Variants in ADAM17 observed in about 807,000 individuals in gnomAD.
ADAM17 encodes the protein ADAM metallopeptidase domain 17.
A neutral mutation model predicts 96.7 loss-of-function variants in ADAM17; 39 were observed. That is an observed-to-expected ratio of 0.40 (90% CI 0.31 to 0.53). The LOEUF (loss-of-function observed/expected upper bound fraction) is 0.53, where lower values mean the gene tolerates loss of function less well. ADAM17 is among the 20% of genes least tolerant of loss of function. The pLI is 0.44. For synonymous variants in ADAM17, 344 were observed against 359.2 expected, an observed-to-expected ratio of 0.96 and a Z score of 0.48; for missense variants, 777 against 1,013.2, an observed-to-expected ratio of 0.77 and a Z score of 3.17.
At position 9,492,794 on chromosome 2, in the gene ADAM17, C is replaced by A. The variant is rs1662269668; in HGVS notation, c.2082+104G>T. On this transcript the variant is annotated intron_variant, in intron 17 of 18. Coordinates refer to ENST00000310823, the MANE Select transcript of ADAM17 (RefSeq NM_003183.6). ...AAAAAAAGCTATTGGAAATATCAGG[C>A]CAAACTTTGCTAAGAACAAGTTTTA... 3 of 959,718 alleles carry A rather than the reference C, an allele frequency of 3.1e-6. No homozygotes were observed. The African/African-American group carries it at 5.1e-5, about 16-fold the overall frequency. The allele number at this position is 959,718 out of a possible 1,614,324, so 59.5% of individuals were successfully genotyped here.
At chr2:9,493,920 T>G (rs1386519603) in intron 15 of ADAM17, 95 bp from the exon 16 acceptor site, 1 of 1,005,930 alleles carries the variant, frequency 9.9e-7, no homozygotes, top group Non-Finnish European at 1.5e-6. Flanking sequence ...GTAAAGGGCT[T>G]CATTAAAATC....
In ADAM17 at chr2:9,492,999, C is replaced by T. The variant is rs1314903842; in HGVS notation, c.1994-13G>A. The T allele has an allele frequency of 1.2e-6, 2 of 1,600,688 alleles. No homozygotes were observed. Among genetic ancestry groups the T allele is most frequent in the Non-Finnish European group, 1.7e-6 (2 of 1,171,962 alleles). On this transcript the variant is annotated splice_polypyrimidine_tract_variant and intron_variant, in intron 16 of 18. Transcript: ENST00000310823. ...GCTAAAAACTTTCCTGTGAACAATT[C>T]CAAACAGTTAATGTCTTGACCAAGT...
chr2:9,528,142 T>C (rs1348126904), intron 4 of ADAM17, among the ~76,000 whole-genome samples, 188 bp from the exon 5 acceptor site: 2 of 150,392 alleles, frequency 1.3e-5, no homozygotes, highest in African/African-American at 5.0e-5. Flanking sequence ...GGAAAGTAAA[T>C]ACATAGATTA....
chr2:9,517,914 G>GT lies in ADAM17; in HGVS notation c.1177dup (p.Thr393AsnfsTer8). ...AAAAGAACATACCTTTGTAAGGATG[G>GT]TTTTACCATAATTCTTTGTGCTCGT... On this transcript the variant is annotated frameshift_variant, in exon 10 of 19. Coordinates refer to ENST00000310823, the MANE Select transcript of ADAM17 (RefSeq NM_003183.6). LOFTEE classifies it high-confidence loss of function. 6.3e-7 allele frequency: 1 copy of GT among 1,594,434 alleles called. No individual in the cohort carries two copies. The highest frequency in any genetic ancestry group is 8.5e-7 in the Non-Finnish European group (1 of 1,171,838).
At chr2:9,542,223 A>G (rs901281504) in intron 2 of ADAM17, among the ~76,000 whole-genome samples, 1 of 151,896 alleles carries the variant, frequency 6.6e-6, no homozygotes. Flanking sequence ...GCTAAGAAGT[A>G]AGAGGAACTC....
intron 2 of ADAM17, among the ~76,000 whole-genome samples, chr2:9,539,275 T>A (rs1346854260): frequency 6.6e-6 from 1 of 151,960 alleles, no homozygotes; most frequent in Non-Finnish European, 1.5e-5. Flanking sequence ...GCCTGGCTAA[T>A]TTTTTGTATT....
chr2:9,553,351 T>C (rs746537295), intron 1 of ADAM17, among the ~76,000 whole-genome samples: 12 of 151,916 alleles, frequency 7.9e-5, no homozygotes, highest in Non-Finnish European at 1.6e-4. Context: ...CGTATAATAC[T>C]TGTGTGTCCT....
intron 1 of ADAM17, among the ~76,000 whole-genome samples, chr2:9,544,463 T>G (rs1256347735): frequency 1.3e-5 from 2 of 152,108 alleles, no homozygotes; most frequent in Non-Finnish European, 2.9e-5. Context: ...AGGCAGATGT[T>G]GCAGGGAGCT....
At chr2:9,531,261 A>C (rs1664726013) in intron 4 of ADAM17, among the ~76,000 whole-genome samples, 1 of 150,328 alleles carries the variant, frequency 6.7e-6, no homozygotes, top group Non-Finnish European at 1.5e-5. Context: ...CCAGCTGAAC[A>C]TTTTTAAAAC....
At chr2:9,518,802 T>C (rs1456631356) in intron 8 of ADAM17, among the ~76,000 whole-genome samples, 1 of 150,152 alleles carries the variant, frequency 6.7e-6, no homozygotes, top group Non-Finnish European at 1.5e-5. Context: ...TTTGAGAGGA[T>C]TTTTTTTTTC....
intron 14 of ADAM17, chr2:9,494,971 G>T: frequency 4.4e-6 from 2 of 457,056 alleles, no homozygotes; most frequent in Non-Finnish European, 7.5e-6. Context: ...GAGGCCACAA[G>T]GTTTAAAAAA....
chr2:9,518,424 T>TCTCCAC (rs1664166038), intron 8 of ADAM17, among the ~76,000 whole-genome samples, 177 bp from the exon 9 acceptor site: 1 of 152,104 alleles, frequency 6.6e-6, no homozygotes, highest in Non-Finnish European at 1.5e-5. Flanking sequence ...CTAAAGTGCT[T>TCTCCAC]CTCCACCTGC....
At chr2:9,504,592 T>C (rs1663256944) in intron 12 of ADAM17, among the ~76,000 whole-genome samples, 1 of 151,748 alleles carries the variant, frequency 6.6e-6, no homozygotes, top group African/African-American at 2.4e-5. Context: ...TAGTGAAACC[T>C]CGTCTCTACT....
chr2:9,521,560 T>C (rs1664309998), intron 7 of ADAM17: 1 of 190,342 alleles, frequency 5.3e-6, no homozygotes, highest in Non-Finnish European at 1.1e-5. Context: ...AATTTTCATA[T>C]CCTCCATGTT....
At chr2:9,521,919 G>A (rs1339355064) in intron 7 of ADAM17, 1 of 149,906 alleles carries the variant, frequency 6.7e-6, no homozygotes. Context: ...AGTTTACTGG[G>A]GTGGACTCTG....
In ADAM17 at chr2:9,490,300, A is replaced by C. The variant is rs1241627826; in HGVS notation, c.2352T>G (p.Asn784Lys). 5 of 1,614,114 alleles carry C rather than the reference A, an allele frequency of 3.1e-6. No individual in the cohort carries two copies. Among genetic ancestry groups the C allele is most frequent in the Admixed American group, 1.7e-5 (1 of 60,004 alleles). Residue 784 changes from asparagine to lysine, a missense_variant, in exon 19 of 19, where the codon AAT becomes AAG. Asn to Lys is a moderately conservative substitution (Grantham distance 94, BLOSUM62 0). Coordinates refer to ENST00000310823, the MANE Select transcript of ADAM17 (RefSeq NM_003183.6). ...CAAATGACTTGGCAGCTGTGCTGCT[A>C]TTTGGGAAGGGGTCCTTCTCAAACC... ...EDGFEKDPFP[N>K]SSTAAKSFED...
chr2:9,530,052 A>G (rs1243210335), intron 4 of ADAM17, among the ~76,000 whole-genome samples: 2 of 152,216 alleles, frequency 1.3e-5, no homozygotes, highest in Non-Finnish European at 2.9e-5. Flanking sequence ...TTTTATCTCA[A>G]TAAAACTGTT....
intron 10 of ADAM17, 98 bp from the exon 11 acceptor site, chr2:9,510,229 C>G (rs1663658885): frequency 1.7e-6 from 2 of 1,193,416 alleles, no homozygotes; most frequent in Non-Finnish European, 2.4e-6. Context: ...GCCTTATAAT[C>G]AGATCAACAA....
chr2:9,538,709 T>C (rs1455305255), intron 2 of ADAM17, among the ~76,000 whole-genome samples: 1 of 152,210 alleles, frequency 6.6e-6, no homozygotes, highest in African/African-American at 2.4e-5. Context: ...AAAATTCATG[T>C]TTTTTGATTT....
Sources: allele counts gnomAD v4.1 joint callset (sites outside exome capture counted in the v4.1 genomes callset), GRCh38; gene constraint gnomAD v4.1.1; transcripts MANE v1.5; gene names NCBI Gene and HGNC (gene_info 2026-07-23, HGNC 2026-07-21).